The following SMYD3 variants were observed in gnomAD, a reference collection of about 807,000 sequenced individuals.
SMYD3 encodes the protein histone-lysine N-methyltransferase SMYD3.
SMYD3 carries 36 observed loss-of-function variants against 57.7 expected under a neutral mutation model. That is an observed-to-expected ratio of 0.62 (90% CI 0.48 to 0.82). The LOEUF is 0.82. Ranked by LOEUF, SMYD3 falls within the 40% of genes least tolerant of loss-of-function variation. SMYD3 has a pLI of 0.00. For synonymous variants in SMYD3, 211 were observed against 195.0 expected, an observed-to-expected ratio of 1.08 and a Z score of -0.68; for missense variants, 515 against 538.8, an observed-to-expected ratio of 0.96 and a Z score of 0.44.
chr1:246,272,490 G>T (rs1323411694), intron 5 of SMYD3, among the ~76,000 whole-genome samples: 4 of 152,054 alleles, frequency 2.6e-5, no homozygotes, highest in African/African-American at 7.2e-5. Context: ...GTCATGAAAG[G>T]GTATTGAATT....
intron 1 of SMYD3, among the ~76,000 whole-genome samples, chr1:246,403,547 C>T (rs1246175195): frequency 6.6e-6 from 1 of 152,132 alleles, no homozygotes; most frequent in African/African-American, 2.4e-5. Context: ...TCTGGTCTCT[C>T]CTTCTATGAG....
intron 5 of SMYD3, among the ~76,000 whole-genome samples, chr1:246,170,629 T>G (rs1196239784): frequency 1.3e-5 from 2 of 152,162 alleles, no homozygotes. Flanking sequence ...CAAGACTGCC[T>G]GTCTTAAACT....
chr1:246,456,540 C>T (rs2067702213), intron 1 of SMYD3, among the ~76,000 whole-genome samples: 1 of 152,220 alleles, frequency 6.6e-6, no homozygotes, highest in African/African-American at 2.4e-5. Flanking sequence ...ATTTTCTCCT[C>T]TGCCCTAACT....
At chr1:245,832,999 G>A (rs769239384) in intron 10 of SMYD3, among the ~76,000 whole-genome samples, 2 of 143,026 alleles carry the variant, frequency 1.4e-5, no homozygotes, top group East Asian at 2.3e-4. Context: ...AAGCTTCCAC[G>A]ATCCATTCCT....
chr1:246,423,408 T>C (rs866033102), intron 1 of SMYD3, among the ~76,000 whole-genome samples: 1 of 152,068 alleles, frequency 6.6e-6, no homozygotes, highest in Non-Finnish European at 1.5e-5. Context: ...TCTCATAAGA[T>C]GGTCTGCATG....
intron 8 of SMYD3, among the ~76,000 whole-genome samples, chr1:245,906,043 C>T (rs891928795): frequency 6.6e-6 from 1 of 152,114 alleles, no homozygotes; most frequent in African/African-American, 2.4e-5. Context: ...AAAACTACTA[C>T]AAGAAAATAT....
At chr1:245,858,160 G>A (rs543199584) in intron 10 of SMYD3, among the ~76,000 whole-genome samples, 5 of 152,276 alleles carry the variant, frequency 3.3e-5, no homozygotes, top group East Asian at 1.9e-4. Flanking sequence ...CTGAGCCTGC[G>A]TTCCTCTACA....
At chr1:245,806,352 TCTTA>T (rs774170925) in intron 10 of SMYD3, among the ~76,000 whole-genome samples, 4 of 152,236 alleles carry the variant, frequency 2.6e-5, no homozygotes, top group South Asian at 2.1e-4. Flanking sequence ...CTAGGATTTG[TCTTA>T]CTTAATCCTT....
intron 3 of SMYD3, among the ~76,000 whole-genome samples, chr1:246,332,060 C>A (rs1218006612): frequency 6.6e-6 from 1 of 152,146 alleles, no homozygotes; most frequent in Non-Finnish European, 1.5e-5. Flanking sequence ...GAAATTAGGC[C>A]AATTAATAAC....
At chr1:245,814,628 C>T (rs1241859973) in intron 10 of SMYD3, among the ~76,000 whole-genome samples, 2 of 152,042 alleles carry the variant, frequency 1.3e-5, no homozygotes, top group African/African-American at 4.8e-5. Flanking sequence ...ACTGGCATTG[C>T]GGAGAAGCTG....
At chr1:245,924,655 CTTTTTTTTTTTT>C (rs150323644) in intron 7 of SMYD3, among the ~76,000 whole-genome samples, 2 of 94,706 alleles carry the variant, frequency 2.1e-5, no homozygotes, top group African/African-American at 7.7e-5. Flanking sequence ...TCTATTCCAG[CTTTTTTTTTTTT>C]TTTTTTTTTT....
intron 8 of SMYD3, among the ~76,000 whole-genome samples, chr1:245,886,080 T>C (rs946082841): frequency 1.6e-4 from 25 of 152,164 alleles, no homozygotes; most frequent in Admixed American, 7.2e-4. Flanking sequence ...TAAGAAGGTA[T>C]TGAAAAAATG....
intron 5 of SMYD3, among the ~76,000 whole-genome samples, chr1:246,069,741 G>C (rs2060410201): frequency 6.6e-6 from 1 of 152,200 alleles, no homozygotes; most frequent in South Asian, 2.1e-4. Context: ...TCCTGAGGCA[G>C]AGGCAGCAGC....
At chr1:245,892,717 A>G (rs1370054962) in intron 8 of SMYD3, among the ~76,000 whole-genome samples, 2 of 152,238 alleles carry the variant, frequency 1.3e-5, no homozygotes, top group Non-Finnish European at 2.9e-5. Flanking sequence ...CATTATGCAT[A>G]CACATAAATT....
At chr1:246,255,300 ATTATTTGATGGAT>A (rs2063863522) in intron 5 of SMYD3, among the ~76,000 whole-genome samples, 1 of 115,586 alleles carries the variant, frequency 8.7e-6, no homozygotes, top group Non-Finnish European at 1.9e-5. Flanking sequence ...GATGGATCTT[ATTATTTGATGGAT>A]CTTATTATAA....
At chr1:246,406,202 G>A (rs1003156583) in intron 1 of SMYD3, among the ~76,000 whole-genome samples, 4 of 152,068 alleles carry the variant, frequency 2.6e-5, no homozygotes, top group Admixed American at 2.0e-4. Flanking sequence ...GGGACTACAG[G>A]TGTGAGCCAC....
chr1:245,818,751 C>A (rs1331923699), intron 10 of SMYD3, among the ~76,000 whole-genome samples: 1 of 151,992 alleles, frequency 6.6e-6, no homozygotes, highest in African/African-American at 2.4e-5. Flanking sequence ...CAATCCTAGT[C>A]TGATAAAACA....
At chr1:246,363,968 G>T (rs1248732629) in intron 1 of SMYD3, among the ~76,000 whole-genome samples, 1 of 152,158 alleles carries the variant, frequency 6.6e-6, no homozygotes, top group East Asian at 1.9e-4. Context: ...AGAGAGGCAG[G>T]AGGCTTAGAG....
intron 10 of SMYD3, among the ~76,000 whole-genome samples, chr1:245,790,731 A>G (rs2047234202): frequency 6.6e-6 from 1 of 152,222 alleles, no homozygotes; most frequent in South Asian, 2.1e-4. Flanking sequence ...TTGCATGGAC[A>G]CTGCTAATTT....
Sources: gnomAD v4.1 joint callset for allele counts (sites outside exome capture counted in the v4.1 genomes callset) on GRCh38, gnomAD v4.1.1 for gene constraint, MANE v1.5 for transcripts, NCBI Gene and HGNC (gene_info 2026-07-23, HGNC 2026-07-21) for gene names.